TRMT1L: variants seen among roughly 807,000 people sequenced by gnomAD.
TRMT1L encodes tRNA methyltransferase 1L, also known as tRNA (guanine(27)-N(2))-dimethyltransferase.
A neutral mutation model predicts 81.6 loss-of-function variants in TRMT1L; 28 were observed. The ratio of observed to expected loss-of-function variants is 0.34; its 90% confidence interval spans 0.25 to 0.47. The LOEUF (loss-of-function observed/expected upper bound fraction) is 0.47. Among genes scored for constraint, TRMT1L ranks in the 20% least tolerant of loss-of-function variants. The pLI is 1.00. For synonymous variants in TRMT1L, 301 were observed against 303.2 expected (o/e 0.99, Z 0.07); for missense variants, 739 against 877.1 (o/e 0.84, Z 1.99).
intron 10 of TRMT1L, among the ~76,000 whole-genome samples, chr1:185,136,411 G>GA (rs967618888): frequency 6.6e-6 from 1 of 151,006 alleles, no homozygotes; most frequent in African/African-American, 2.4e-5. Context: ...GACTCCATCT[G>GA]AAAAAAAATA....
intron 13 of TRMT1L, chr1:185,120,779 C>T (rs1373180960): frequency 4.4e-6 from 1 of 229,440 alleles, no homozygotes; most frequent in Non-Finnish European, 8.4e-6. Flanking sequence ...CAATCTGGGG[C>T]TAGTCACTTC....
chr1:185,144,940 G>A (rs909783263), intron 5 of TRMT1L, among the ~76,000 whole-genome samples: 3 of 151,606 alleles, frequency 2.0e-5, no homozygotes, highest in African/African-American at 4.8e-5. Context: ...GGAATGGTAC[G>A]TAGTGCCATT....
chr1:185,128,155 G>A (rs764309939), intron 11 of TRMT1L, among the ~76,000 whole-genome samples: 4 of 152,000 alleles, frequency 2.6e-5, no homozygotes, highest in Non-Finnish European at 5.9e-5. Flanking sequence ...CAACTTTAAG[G>A]TACAATCAGC....
At chr1:185,155,449 G>C (rs1274299048) in intron 1 of TRMT1L, among the ~76,000 whole-genome samples, 1 of 152,136 alleles carries the variant, frequency 6.6e-6, no homozygotes, top group African/African-American at 2.4e-5. Flanking sequence ...TCTGACTTTT[G>C]TCTTTCCTGT....
chr1:185,139,528 T>A lies in TRMT1L; in HGVS notation c.1161A>T (p.Arg387Ser). 11 of 1,613,914 alleles carry A rather than the reference T, an allele frequency of 6.8e-6. No individual in the cohort carries two copies. The highest frequency in any genetic ancestry group is 9.3e-6 in the Non-Finnish European group (11 of 1,179,974). Residue 387 changes from arginine (R) to serine (S), a missense_variant, in exon 9 of 15, where the codon AGA (arginine) becomes AGT (serine). This residue lies in a region of TRMT1L where 331 missense variants were observed against 462.2 expected (regional missense o/e 0.72). Coordinates refer to ENST00000367506, the MANE Select transcript of TRMT1L (RefSeq NM_030934.5). ...TSVNYLDSAF[R>S]NIRNLGIVSV... is the part of the protein sequence containing the mutation. ...ACACTATGCCAAGGTTTCTTATATTTCTGAATGCAGAATCTAGATAATTCA... is the reference window on the plus strand; with the variant it reads ...ACACTATGCCAAGGTTTCTTATATTACTGAATGCAGAATCTAGATAATTCA...
chr1:185,152,373 G>C (rs898415020), intron 1 of TRMT1L, among the ~76,000 whole-genome samples: 1 of 152,180 alleles, frequency 6.6e-6, no homozygotes, highest in Non-Finnish European at 1.5e-5. Context: ...ACAAATCCAT[G>C]TGTAGAAAAC....
intron 13 of TRMT1L, among the ~76,000 whole-genome samples, chr1:185,123,603 T>C (rs1348478845): frequency 1.3e-5 from 2 of 152,134 alleles, no homozygotes; most frequent in East Asian, 3.8e-4. Flanking sequence ...GATCTTATTT[T>C]ATTCACATGG....
chr1:185,152,171 T>C (rs1000347798), intron 1 of TRMT1L, among the ~76,000 whole-genome samples: 24 of 152,352 alleles, frequency 1.6e-4, no homozygotes, highest in African/African-American at 5.8e-4. Flanking sequence ...AAAATAATTC[T>C]ATGAAAAATG....
In TRMT1L at chr1:185,127,871, T is replaced by C. The variant is rs148880444; in HGVS notation, c.1592+798A>G. ...GCTCACACCTGTAATCCTAGTACTT[T>C]GGGAGGCTGAGCCAGGCAGATCACC... On this transcript the variant is annotated intron_variant, in intron 11 of 14. Coordinates refer to ENST00000367506, the MANE Select transcript of TRMT1L (RefSeq NM_030934.5). Among the ~76,000 whole-genome samples, 120 of 152,158 alleles carry C rather than the reference T, an allele frequency of 7.9e-4. 2 individuals are homozygous for C. In the East Asian group the frequency reaches 0.021, roughly 26 times the overall value.
At chr1:185,143,230 TA>T in intron 7 of TRMT1L, 126 bp downstream of exon 7, 1 of 751,478 alleles carries the variant, frequency 1.3e-6, no homozygotes, top group Non-Finnish European at 2.1e-6. Context: ...TTTTTCACAA[TA>T]AAAAATTAAA....
intron 1 of TRMT1L, among the ~76,000 whole-genome samples, chr1:185,154,746 A>G (rs1158622597): frequency 6.6e-6 from 1 of 152,252 alleles, no homozygotes; most frequent in Non-Finnish European, 1.5e-5. Flanking sequence ...TTAAAAATGC[A>G]TGATATGCCT....
intron 6 of TRMT1L, among the ~76,000 whole-genome samples, 160 bp downstream of exon 6, chr1:185,143,746 T>C (rs1418034053): frequency 6.6e-6 from 1 of 152,074 alleles, no homozygotes; most frequent in Non-Finnish European, 1.5e-5. Context: ...ATCGGCTTGT[T>C]AGAAAAAAAG....
At position 185,120,251 on chromosome 1, in the gene TRMT1L, T is replaced by A. The variant is rs370765259; in HGVS notation, c.1970A>T (p.Tyr657Phe). 6.4e-7 allele frequency: 1 copy of A among 1,569,658 alleles called. No individual in the cohort carries two copies. Among genetic ancestry groups the A allele is most frequent in the African/African-American group, 1.4e-5 (1 of 74,020 alleles). The part of the protein sequence containing the change: ...NMPKLKKFLC[Y>F]LSQAGFRVSR... Reference sequence around the variant, plus strand: ...TACTCGAAAGCCTGCTTGAGATAAATAGCACAAAAACTTTTTTAACCTGCA... The same window carrying A: ...TACTCGAAAGCCTGCTTGAGATAAAAAGCACAAAAACTTTTTTAACCTGCA... Residue 657 changes from tyrosine (Y) to phenylalanine (F), a missense_variant, in exon 15 of 15, where the codon TAT becomes TTT. Physicochemically the swap from Tyr to Phe is conservative, Grantham distance 22 (BLOSUM62 3). This residue lies in a region of TRMT1L where 196 missense variants were observed against 232.6 expected (regional missense o/e 0.84). Coordinates refer to ENST00000367506, the MANE Select transcript of TRMT1L (RefSeq NM_030934.5).
At chr1:185,130,937 G>T (rs1652754058) in intron 10 of TRMT1L, among the ~76,000 whole-genome samples, 2 of 152,008 alleles carry the variant, frequency 1.3e-5, no homozygotes, top group South Asian at 4.2e-4. Flanking sequence ...TGACATTTGG[G>T]GGTGTCTTAC....
intron 5 of TRMT1L, among the ~76,000 whole-genome samples, chr1:185,145,222 AC>A (rs1653157352): frequency 6.6e-6 from 1 of 151,888 alleles, no homozygotes. Context: ...AGTGTCACTT[AC>A]TTTTTTCTAC....
chr1:185,133,699 G>A (rs1392700077), intron 10 of TRMT1L, among the ~76,000 whole-genome samples: 5 of 151,358 alleles, frequency 3.3e-5, no homozygotes, highest in East Asian at 3.9e-4. Context: ...CTGGGTTCAA[G>A]TGATCCTCCT....
At chr1:185,153,919 T>C (rs1653427395) in intron 1 of TRMT1L, among the ~76,000 whole-genome samples, 1 of 152,224 alleles carries the variant, frequency 6.6e-6, no homozygotes, top group South Asian at 2.1e-4. Flanking sequence ...CGAGCTTCAC[T>C]ATCAGTTCGT....
At chr1:185,140,860 G>T (rs1242651102) in intron 7 of TRMT1L, among the ~76,000 whole-genome samples, 1 of 150,620 alleles carries the variant, frequency 6.6e-6, no homozygotes, top group Non-Finnish European at 1.5e-5. Context: ...CATGCTTGTG[G>T]TCCCAGCTAC....
chr1:185,151,566 C>T (rs1010384375), intron 2 of TRMT1L, among the ~76,000 whole-genome samples: 1 of 152,096 alleles, frequency 6.6e-6, no homozygotes, highest in Non-Finnish European at 1.5e-5. Flanking sequence ...TAGCCAAATG[C>T]CATTCCTAAC....
Sources: gnomAD v4.1 joint callset for allele counts (sites outside exome capture counted in the v4.1 genomes callset) on GRCh38, gnomAD v4.1.1 for gene constraint, gnomAD v4.1.1 regional missense constraint, MANE v1.5 for transcripts, NCBI Gene and HGNC (gene_info 2026-07-23, HGNC 2026-07-21) for gene names.